Variants in VTA1 observed in about 807,000 individuals in gnomAD.
The protein encoded by VTA1 is vesicle trafficking 1, also known as vacuolar protein sorting-associated protein VTA1 homolog.
A neutral mutation model predicts 36.9 loss-of-function variants in VTA1; 24 were observed. The ratio of observed to expected loss-of-function variants is 0.65; its 90% CI spans 0.47 to 0.91. The LOEUF (loss-of-function observed/expected upper bound fraction) is 0.91, where lower values mean the gene tolerates loss of function less well. Ranked by LOEUF, VTA1 falls within the 40% of genes least tolerant of loss-of-function variation. The probability of loss-of-function intolerance (pLI) is 0.00; values close to 1 mark genes in which losing one functional copy is unlikely to be tolerated. For missense variants in VTA1, 393 were observed against 377.2 expected, an observed-to-expected ratio of 1.04 and a Z score of -0.35; for synonymous variants, 142 against 130.2, an observed-to-expected ratio of 1.09 and a Z score of -0.62.
In VTA1 at chr6:142,170,323, G is replaced by A. The variant is rs201405392; in HGVS notation, c.336-23G>A. ...TTTAATGTGTTTCATATTTAAACTA[G>A]ACCGCTCTCTTTTCTCTTCCAGAAA... On this transcript the variant is annotated intron_variant, in intron 3 of 7. Transcript: ENST00000367630. 3 of 1,404,474 alleles carry A rather than the reference G, an allele frequency of 2.1e-6. No individual in the cohort carries two copies. The Admixed American group carries it at 6.9e-5, about 32-fold the overall frequency. The allele number at this position is 1,404,474 out of a possible 1,614,324, so 87.0% of individuals were successfully genotyped here. A position where few individuals can be genotyped will look rare whatever the true frequency, so the allele number is the denominator to read the frequency against.
chr6:142,161,078 T>C (rs225644), intron 1 of VTA1, among the ~76,000 whole-genome samples: 79,032 of 115,436 alleles, frequency 0.68, 27,964 homozygotes, highest in East Asian at 0.87. Flanking sequence ...CTTCCTTCCT[T>C]CCCCCCCCCC....
At chr6:142,190,952 C>A (rs190497466) in intron 5 of VTA1, among the ~76,000 whole-genome samples, 1 of 152,222 alleles carries the variant, frequency 6.6e-6, no homozygotes, top group East Asian at 1.9e-4. Context: ...CTCTTTAGAT[C>A]TATTATTATA....
intron 7 of VTA1, among the ~76,000 whole-genome samples, chr6:142,206,910 GAC>G (rs1335330899): frequency 6.6e-6 from 1 of 152,132 alleles, no homozygotes; most frequent in Admixed American, 6.6e-5. Context: ...AGTGAATCTA[GAC>G]ACAGACCTTC....
At chr6:142,203,177 T>C (rs1485912620) in intron 6 of VTA1, among the ~76,000 whole-genome samples, 1 of 152,020 alleles carries the variant, frequency 6.6e-6, no homozygotes. Context: ...TCCTATTTAT[T>C]TTAACCTTTT....
intron 6 of VTA1, 38 bp from the exon 7 acceptor site, chr6:142,203,947 A>G (rs1470980270): frequency 1.3e-6 from 2 of 1,553,524 alleles, no homozygotes; most frequent in Non-Finnish European, 8.9e-7. Flanking sequence ...TAAAAGGTGT[A>G]ATACTTCTAT....
chr6:142,209,416 A>G (rs1436769210), intron 7 of VTA1, among the ~76,000 whole-genome samples: 1 of 151,430 alleles, frequency 6.6e-6, no homozygotes, highest in Non-Finnish European at 1.5e-5. Context: ...AAGAAAAACT[A>G]TATAAAATTC....
At chr6:142,187,263 G>A (rs1482600616) in intron 4 of VTA1, among the ~76,000 whole-genome samples, 1 of 152,160 alleles carries the variant, frequency 6.6e-6, no homozygotes. Context: ...CAAGAGAATA[G>A]AGTGTCACAA....
chr6:142,163,800 C>A (rs556547653), intron 1 of VTA1, among the ~76,000 whole-genome samples: 1 of 151,948 alleles, frequency 6.6e-6, no homozygotes, highest in African/African-American at 2.4e-5. Context: ...ATCACCTATC[C>A]ATATGAGTTA....
chr6:142,186,409 C>G (rs1775340813), intron 4 of VTA1, among the ~76,000 whole-genome samples: 1 of 152,036 alleles, frequency 6.6e-6, no homozygotes, highest in African/African-American at 2.4e-5. Context: ...TCACTGTACT[C>G]AGAGCACTAG....
intron 1 of VTA1, among the ~76,000 whole-genome samples, chr6:142,149,481 C>G (rs2114624960): frequency 6.6e-6 from 1 of 152,278 alleles, no homozygotes; most frequent in Non-Finnish European, 1.5e-5. Flanking sequence ...CTGCAATTCT[C>G]TGAGTCTTAA....
At chr6:142,161,660 G>C (rs1326363160) in intron 1 of VTA1, among the ~76,000 whole-genome samples, 1 of 151,946 alleles carries the variant, frequency 6.6e-6, no homozygotes, top group Non-Finnish European at 1.5e-5. Context: ...GATGATTTTA[G>C]CTAAATGTTT....
At chr6:142,177,546 G>A (rs928811035) in intron 4 of VTA1, among the ~76,000 whole-genome samples, 1 of 152,076 alleles carries the variant, frequency 6.6e-6, no homozygotes, top group Non-Finnish European at 1.5e-5. Flanking sequence ...TGAGAAGGCC[G>A]ATTAGGAAGC....
chr6:142,154,441 G>A (rs1169082644), intron 1 of VTA1, among the ~76,000 whole-genome samples: 1 of 152,050 alleles, frequency 6.6e-6, no homozygotes, highest in Non-Finnish European at 1.5e-5. Flanking sequence ...ATCACGTATA[G>A]TTTTTGTGTG....
chr6:142,202,968 T>C (rs1386210966), intron 6 of VTA1, among the ~76,000 whole-genome samples: 1 of 152,008 alleles, frequency 6.6e-6, no homozygotes, highest in Non-Finnish European at 1.5e-5. Flanking sequence ...GTGAGGTAAA[T>C]AATGTATATT....
rs774950622 is a variant in VTA1, at chr6:142,223,638, G to A, written c.*4995G>A. On this transcript the variant is annotated 3_prime_UTR_variant, in exon 8 of 8. Coordinates refer to ENST00000367630, the MANE Select transcript of VTA1 (RefSeq NM_016485.5). ...AACTTAATGGGGAACTGGCTTCAGA[G>A]TTCAGCAATATTGGGAAGTCTTGTC... 13 of 152,118 alleles carry A rather than the reference G, an allele frequency of 8.5e-5. No individual in the cohort carries two copies. Among genetic ancestry groups the A allele is most frequent in the Non-Finnish European group, 1.8e-4 (12 of 68,034 alleles). 9.4% of individuals were successfully genotyped at this position (152,118 alleles called of 1,614,324 possible).
chr6:142,168,620 G>A (rs1774967312), intron 2 of VTA1, among the ~76,000 whole-genome samples: 1 of 151,488 alleles, frequency 6.6e-6, no homozygotes, highest in South Asian at 2.1e-4. Flanking sequence ...TGCATTGATT[G>A]CAGGTATATA....
intron 5 of VTA1, among the ~76,000 whole-genome samples, chr6:142,190,166 ATTTGAGTTATG>A (rs1313705095): frequency 6.6e-6 from 1 of 152,200 alleles, no homozygotes; most frequent in Admixed American, 6.5e-5. Context: ...TTGTAAATCT[ATTTGAGTTATG>A]TAGGTTATTT....
At chr6:142,215,177 G>T (rs943198561) in intron 7 of VTA1, among the ~76,000 whole-genome samples, 1 of 152,102 alleles carries the variant, frequency 6.6e-6, no homozygotes, top group South Asian at 2.1e-4. Context: ...GGTGGCACAC[G>T]CCTGTAATCC....
chr6:142,181,992 C>A (rs916645788), intron 4 of VTA1, among the ~76,000 whole-genome samples: 11 of 152,116 alleles, frequency 7.2e-5, no homozygotes, highest in Admixed American at 6.5e-4. Flanking sequence ...TCTCATTATA[C>A]CACATCTCAG....
Sources: allele counts gnomAD v4.1 joint callset (sites outside exome capture counted in the v4.1 genomes callset), GRCh38; gene constraint gnomAD v4.1.1; transcripts MANE v1.5; gene names NCBI Gene and HGNC (gene_info 2026-07-23, HGNC 2026-07-21).